The following PRMT8 variants were observed in gnomAD, a reference collection of about 807,000 sequenced individuals.
PRMT8 encodes protein arginine methyltransferase 8.
A neutral mutation model predicts 47.1 loss-of-function variants in PRMT8; 7 were observed. That is an observed-to-expected ratio of 0.15 (90% CI 0.08 to 0.28). The LOEUF (loss-of-function observed/expected upper bound fraction) is 0.28. PRMT8 is among the 10% of genes least tolerant of loss of function. PRMT8 has a pLI of 1.00. For missense variants in PRMT8, 237 were observed against 505.4 expected, an observed-to-expected ratio of 0.47 and a Z score of 5.09; for synonymous variants, 188 against 186.5, an observed-to-expected ratio of 1.01 and a Z score of -0.07.
Position 3,552,629 on chromosome 12 carries a change from T to C in PRMT8, c.418-1022T>C, listed in dbSNP as rs1591598611. 1.2e-5 allele frequency: 5 copies of C among 422,272 alleles called. No individual in the cohort carries two copies. The highest frequency in any genetic ancestry group is 2.4e-5 in the Non-Finnish European group (5 of 207,482). 26.2% of individuals were successfully genotyped at this position (422,272 alleles called of 1,614,324 possible). A position where few individuals can be genotyped will look rare whatever the true frequency, so the allele number is the denominator to read the frequency against. On this transcript the variant is annotated intron_variant, in intron 3 of 9. Coordinates refer to ENST00000382622, the MANE Select transcript of PRMT8 (RefSeq NM_019854.5). This position sits in a 1 kb window ranked among gnomAD's most constrained non-coding sequence, Gnocchi z 4.5. ...CAGCCCAGGAAAGGGCTGGTTCTCC[T>C]GGGACCTGCACCCTGGCTGGAGTCG...
chr12:3,396,171 G>T (rs1016591445), intron 1 of PRMT8, among the ~76,000 whole-genome samples: 16 of 152,100 alleles, frequency 1.1e-4, no homozygotes, highest in Non-Finnish European at 1.5e-4. Flanking sequence ...TATCCAATTT[G>T]CCAGTTTGTG....
At chr12:3,397,543 C>CCCT (rs1864267247) in intron 1 of PRMT8, among the ~76,000 whole-genome samples, 2 of 151,112 alleles carry the variant, frequency 1.3e-5, no homozygotes, top group Non-Finnish European at 3.0e-5. Context: ...GGTCAGGGAC[C>CCCT]CACTTGAGGA....
intron 1 of PRMT8, among the ~76,000 whole-genome samples, chr12:3,411,677 T>C (rs1864432309): frequency 1.3e-5 from 2 of 152,190 alleles, no homozygotes; most frequent in South Asian, 4.1e-4. Flanking sequence ...ATAACTAGAA[T>C]TAGATAAGGT....
chr12:3,467,239 C>CAAAAAAAAAAA (rs10694948), intron 1 of PRMT8, among the ~76,000 whole-genome samples: 4 of 48,820 alleles, frequency 8.2e-5, no homozygotes, highest in Non-Finnish European at 1.2e-4. Flanking sequence ...GACTCCATCT[C>CAAAAAAAAAAA]AAAAAAAAAA....
At chr12:3,486,423 G>A (rs1048089070), upstream of PRMT8, among the ~76,000 whole-genome samples, 1 of 152,118 alleles carries the variant, frequency 6.6e-6, no homozygotes, top group African/African-American at 2.4e-5. Flanking sequence ...GCAGAGATAA[G>A]TCTCTTCACC....
chr12:3,417,016 C>T (rs760673972), intron 1 of PRMT8, among the ~76,000 whole-genome samples: 83 of 152,186 alleles, frequency 5.5e-4, no homozygotes, highest in Admixed American at 8.5e-4. Flanking sequence ...TCCTGTTTAG[C>T]AGAGGGAACC....
chr12:3,478,797 G>T (rs1367154375), intron 1 of PRMT8, among the ~76,000 whole-genome samples: 1 of 152,260 alleles, frequency 6.6e-6, no homozygotes, highest in Non-Finnish European at 1.5e-5. Flanking sequence ...AGAGGGGCAA[G>T]TGCAAGCTGC....
intron 1 of PRMT8, among the ~76,000 whole-genome samples, chr12:3,472,016 C>T (rs1865167343): frequency 2.6e-5 from 4 of 151,996 alleles, no homozygotes; most frequent in African/African-American, 9.7e-5. Flanking sequence ...ATGATGCTCT[C>T]GGGTGGGGGC....
At chr12:3,448,548 G>T (rs780398512) in intron 1 of PRMT8, among the ~76,000 whole-genome samples, 3 of 152,000 alleles carry the variant, frequency 2.0e-5, no homozygotes, top group Non-Finnish European at 2.9e-5. Context: ...CTTCTTTGTT[G>T]TAGGAAGTTC....
intron 1 of PRMT8, among the ~76,000 whole-genome samples, chr12:3,387,614 C>G (rs1864154714): frequency 1.3e-5 from 2 of 152,086 alleles, no homozygotes; most frequent in South Asian, 4.1e-4. Flanking sequence ...ACCAGAATAT[C>G]CTATTAACTA....
At chr12:3,459,531 G>A (rs1565413143) in intron 1 of PRMT8, among the ~76,000 whole-genome samples, 1 of 152,092 alleles carries the variant, frequency 6.6e-6, no homozygotes, top group African/African-American at 2.4e-5. Context: ...TTACACCATC[G>A]GAGTCAGGGT....
chr12:3,487,006 A>G (rs1306272009), upstream of PRMT8, among the ~76,000 whole-genome samples: 2 of 152,212 alleles, frequency 1.3e-5, no homozygotes, highest in Non-Finnish European at 2.9e-5. Flanking sequence ...TTAGGGAGGA[A>G]TAGGACCACA....
chr12:3,581,762 A>G (rs1321203677), intron 7 of PRMT8, among the ~76,000 whole-genome samples: 1 of 152,148 alleles, frequency 6.6e-6, no homozygotes, highest in African/African-American at 2.4e-5. Context: ...TCCACAGAAG[A>G]TGTCATGGCT....
Position 3,532,111 on chromosome 12 carries a change from C to T in PRMT8, c.76-8495C>T, listed in dbSNP as rs148713646. 4.0e-3 allele frequency among the ~76,000 whole-genome samples: 602 copies of T among 152,182 alleles called. 4 individuals carry two copies. The highest frequency in any genetic ancestry group is 0.013 in the African/African-American group (556 of 41,520). On this transcript the variant is annotated intron_variant, in intron 1 of 9. Transcript: ENST00000382622. ...GCCGACATGGATTATAAAACAGAAA[C>T]ACTGTTTGAAGTCGGAGCCCAGGTT...
Position 3,572,864 on chromosome 12 carries a change from A to G in PRMT8, c.712+3300A>G, listed in dbSNP as rs1866874000. Among the ~76,000 whole-genome samples the G allele has an allele frequency of 6.6e-6, 1 of 152,164 alleles. No individual in the cohort carries two copies. Among genetic ancestry groups the G allele is most frequent in the African/African-American group, 2.4e-5 (1 of 41,436 alleles). The stretch of plus-strand genomic sequence containing the variant: ...TAGCTACAGCTCTCTGCAATCAGAA[A>G]TCACATTTCTCCCCTGGTACTTAAT... On this transcript the variant is annotated intron_variant, in intron 6 of 9. Transcript: ENST00000382622. This position sits in a 1 kb window ranked among gnomAD's most constrained non-coding sequence, Gnocchi z 5.9.
chr12:3,432,760 T>A (rs1174646144), intron 1 of PRMT8, among the ~76,000 whole-genome samples: 1 of 152,194 alleles, frequency 6.6e-6, no homozygotes, highest in Non-Finnish European at 1.5e-5. Context: ...TCTTTTTTTG[T>A]GGTCTTCGTT....
At chr12:3,530,210 A>G (rs952681229) in intron 1 of PRMT8, among the ~76,000 whole-genome samples, 1 of 152,140 alleles carries the variant, frequency 6.6e-6, no homozygotes, top group African/African-American at 2.4e-5. Flanking sequence ...AAGGGAAGTG[A>G]ATGCTCTCTG....
At chr12:3,446,701 G>A (rs922173730) in intron 1 of PRMT8, among the ~76,000 whole-genome samples, 1 of 152,208 alleles carries the variant, frequency 6.6e-6, no homozygotes, top group African/African-American at 2.4e-5. Context: ...ATGCCGGAGT[G>A]TCTTTTGGGT....
At position 3,570,588 on chromosome 12, in the gene PRMT8, A is replaced by G. The variant is rs1161770475; in HGVS notation, c.712+1024A>G. 1.3e-5 allele frequency among the ~76,000 whole-genome samples: 2 copies of G among 152,092 alleles called. No individual in the cohort carries two copies. Among genetic ancestry groups the G allele is most frequent in the Non-Finnish European group, 2.9e-5 (2 of 68,024 alleles). On this transcript the variant is annotated intron_variant, in intron 6 of 9. Transcript: ENST00000382622. The surrounding 1 kb of genome is among the most constrained non-coding windows in gnomAD (Gnocchi z 5.5). ...GAATAAATGCCTCCAAGAGGCTAAG[A>G]CTCCATCCACAGTTCAACAAATTGT...
Sources: allele counts gnomAD v4.1 joint callset (sites outside exome capture counted in the v4.1 genomes callset), GRCh38; gene constraint gnomAD v4.1.1; non-coding constraint Gnocchi (gnomAD v3.1); transcripts MANE v1.5; gene names NCBI Gene and HGNC (gene_info 2026-07-23, HGNC 2026-07-21).